Variants in LRAT observed in about 807,000 individuals in gnomAD.
The protein encoded by LRAT is lecithin retinol acyltransferase (phosphatidylcholine--retinol O-acyltransferase).
LRAT carries 11 observed loss-of-function variants against 14.2 expected under a neutral mutation model. The observed-to-expected ratio is 0.78, with a 90% confidence interval of 0.49 to 1.29. LRAT has a LOEUF of 1.29. Ranked by LOEUF, LRAT falls within the 50% of genes most tolerant of loss-of-function variation. LRAT has a pLI of 0.00. For missense variants in LRAT, 274 were observed against 292.4 expected (o/e 0.94, Z 0.46); for synonymous variants, 144 against 124.8 (o/e 1.15, Z -1.03).
chr4:154,752,851 G>A lies in LRAT; in HGVS notation c.*3715G>A, dbSNP rs1190867659. 6.6e-6 allele frequency: 1 copy of A among 151,954 alleles called. No homozygotes were observed. Among genetic ancestry groups the A allele is most frequent in the Non-Finnish European group, 1.5e-5 (1 of 67,964 alleles). The allele number at this position is 151,954 out of a possible 1,614,324, so 9.4% of individuals were successfully genotyped here. On this transcript the variant is annotated 3_prime_UTR_variant, in exon 3 of 3. Coordinates refer to ENST00000336356, the MANE Select transcript of LRAT (RefSeq NM_004744.5). The stretch of plus-strand genomic sequence containing the variant: ...ACAAGCAACTATGTATAGACTTGTT[G>A]TTTGAATTTTTTTTCAGTATATATA...
upstream of LRAT, among the ~76,000 whole-genome samples, chr4:154,743,069 C>T (rs1326409713): frequency 6.8e-6 from 1 of 146,666 alleles, no homozygotes; most frequent in Non-Finnish European, 1.5e-5. Flanking sequence ...GCAGAGAGGC[C>T]TCGGGTTCAA....
intron 2 of LRAT, among the ~76,000 whole-genome samples, chr4:154,747,269 T>C (rs1239552651): frequency 6.6e-6 from 1 of 152,206 alleles, no homozygotes; most frequent in Non-Finnish European, 1.5e-5. Flanking sequence ...AGTTTAGAAG[T>C]CATAAAATAA....
At chr4:154,744,914 C>T in intron 2 of LRAT, 48 bp downstream of exon 2, 3 of 1,589,974 alleles carry the variant, frequency 1.9e-6, no homozygotes, top group Non-Finnish European at 1.7e-6. Context: ...GAGATGCCCC[C>T]TCCCATCCCT....
upstream of LRAT, among the ~76,000 whole-genome samples, chr4:154,743,423 G>A (rs1345323895): frequency 6.6e-6 from 1 of 152,090 alleles, no homozygotes; most frequent in African/African-American, 2.4e-5. Context: ...GAACCTGGGA[G>A]GCGGAGGTTG....
At chr4:154,742,574 A>AC (rs1156293370), upstream of LRAT, among the ~76,000 whole-genome samples, 1 of 152,176 alleles carries the variant, frequency 6.6e-6, no homozygotes, top group East Asian at 1.9e-4. Context: ...ATTAGCGCCG[A>AC]CTGGGCAGCT....
intron 2 of LRAT, among the ~76,000 whole-genome samples, chr4:154,747,670 G>A (rs1358310122): frequency 6.6e-6 from 1 of 152,102 alleles, no homozygotes; most frequent in Admixed American, 6.5e-5. Context: ...AAAAAATAAG[G>A]ATAACTGTAT....
At chr4:154,747,231 C>T (rs186341923) in intron 2 of LRAT, among the ~76,000 whole-genome samples, 4 of 152,226 alleles carry the variant, frequency 2.6e-5, no homozygotes, top group Admixed American at 2.6e-4. Flanking sequence ...AGAACATTTA[C>T]TCCTTTGTGG....
Position 154,744,057 on chromosome 4 carries a change from T to G in LRAT, c.-167T>G. On this transcript the variant is annotated 5_prime_UTR_variant, in exon 1 of 3. Coordinates refer to ENST00000336356, the MANE Select transcript of LRAT (RefSeq NM_004744.5). ...CCCCCAGGTGCGCTCCTTCTCCGGC[T>G]GCTTGTAGCACTGGTCTCACTGTCC... 1.9e-6 allele frequency: 1 copy of G among 515,482 alleles called. No homozygotes were observed. Among genetic ancestry groups the G allele is most frequent in the Non-Finnish European group, 3.5e-6 (1 of 283,924 alleles). 31.9% of individuals were successfully genotyped at this position (515,482 alleles called of 1,614,324 possible). A position where few individuals can be genotyped will look rare whatever the true frequency, so the allele number is the denominator to read the frequency against.
At chr4:154,743,764 G>A (rs552521235), upstream of LRAT, among the ~76,000 whole-genome samples, 1 of 152,036 alleles carries the variant, frequency 6.6e-6, no homozygotes, top group South Asian at 2.1e-4. Flanking sequence ...CCCTAAATAG[G>A]CCACTTAAAA....
chr4:154,746,925 C>CG (rs768289648), intron 2 of LRAT, among the ~76,000 whole-genome samples: 16 of 150,968 alleles, frequency 1.1e-4, no homozygotes, highest in East Asian at 1.9e-4. Context: ...GTAGATTTCC[C>CG]GGGGGAAAAA....
At chr4:154,748,273 A>C in intron 2 of LRAT, 1 of 984,210 alleles carries the variant, frequency 1.0e-6, no homozygotes, top group African/African-American at 1.7e-5. Context: ...TGACTACTTG[A>C]GGTGACATAG....
chr4:154,744,348 G>A lies in LRAT; in HGVS notation c.22G>A (p.Val8Met), dbSNP rs1732830768. 4 of 1,614,154 alleles carry A rather than the reference G, an allele frequency of 2.5e-6. No homozygotes were observed. Among genetic ancestry groups the A allele is most frequent in the Non-Finnish European group, 3.4e-6 (4 of 1,180,046 alleles). MKNPMLE[V>M]VSLLLEKLLL... ...CAGGATGAAGAACCCCATGCTGGAG[G>A]TGGTGTCTTTACTACTGGAGAAGCT... The change falls in exon 2 of 3, where the codon GTG (valine) becomes ATG (methionine). Residue 8 changes from valine to methionine, a missense_variant. Coordinates refer to ENST00000336356, the MANE Select transcript of LRAT (RefSeq NM_004744.5).
In LRAT at chr4:154,751,642, G is replaced by A. The variant is rs868709535; in HGVS notation, c.*2506G>A. ...CCAGCTACTCATGAGGTTGAGGCAG[G>A]AGAATGGCGTGAACCGAGGAGGCGG... On this transcript the variant is annotated 3_prime_UTR_variant, in exon 3 of 3. Coordinates refer to ENST00000336356, the MANE Select transcript of LRAT (RefSeq NM_004744.5). 1 of 145,128 alleles carries A rather than the reference G, an allele frequency of 6.9e-6. No homozygotes were observed. The highest frequency in any genetic ancestry group is 1.5e-5 in the Non-Finnish European group (1 of 67,134). The allele number at this position is 145,128 out of a possible 1,614,324, so 9.0% of individuals were successfully genotyped here. A position where few individuals can be genotyped will look rare whatever the true frequency, so the allele number is the denominator to read the frequency against.
At chr4:154,741,415 T>G (rs1179020003), upstream of LRAT, among the ~76,000 whole-genome samples, 1 of 152,224 alleles carries the variant, frequency 6.6e-6, no homozygotes, top group East Asian at 1.9e-4. Flanking sequence ...AGGGTTACTT[T>G]CAGGCAATTC....
At chr4:154,745,175 C>G (rs1171416199) in intron 2 of LRAT, among the ~76,000 whole-genome samples, 1 of 151,842 alleles carries the variant, frequency 6.6e-6, no homozygotes, top group Non-Finnish European at 1.5e-5. Context: ...CCCGCCACCA[C>G]GCCCGGCTAA....
chr4:154,741,528 C>T (rs1732768398), upstream of LRAT, among the ~76,000 whole-genome samples: 4 of 152,260 alleles, frequency 2.6e-5, no homozygotes, highest in South Asian at 8.3e-4. Context: ...ACACTCCGCG[C>T]CCTATTCATT....
chr4:154,744,794 G>A lies in LRAT; in HGVS notation c.468G>A (p.Leu156=). The A allele has an allele frequency of 1.2e-6, 2 of 1,614,114 alleles. No individual in the cohort carries two copies. The highest frequency in any genetic ancestry group is 2.2e-5 in the East Asian group (1 of 44,852). ...TGCTGGGCTTTACCCCCTACAGCCTGCTGTGGAACAACTGCGAGCACTTCG... is the reference window on the plus strand; with the variant it reads ...TGCTGGGCTTTACCCCCTACAGCCTACTGTGGAACAACTGCGAGCACTTCG... The part of the protein sequence containing the change: ...EKLLGFTPYS[L]LWNNCEHFVT... The change falls in exon 2 of 3, where the codon CTG becomes CTA. Residue 156 remains leucine, a synonymous_variant. Coordinates refer to ENST00000336356, the MANE Select transcript of LRAT (RefSeq NM_004744.5).
At chr4:154,743,711 AG>A (rs1732811997), upstream of LRAT, among the ~76,000 whole-genome samples, 1 of 152,034 alleles carries the variant, frequency 6.6e-6, no homozygotes, top group Admixed American at 6.6e-5. Flanking sequence ...CAGTCCCGAC[AG>A]GTGCAGGACC....
At chr4:154,743,727 G>C (rs374630610), upstream of LRAT, among the ~76,000 whole-genome samples, 7 of 151,862 alleles carry the variant, frequency 4.6e-5, no homozygotes, top group East Asian at 1.2e-3. Context: ...AGGACCTTTC[G>C]TGCCGCCACA....
Sources: gnomAD v4.1 joint callset for allele counts (sites outside exome capture counted in the v4.1 genomes callset) on GRCh38, gnomAD v4.1.1 for gene constraint, MANE v1.5 for transcripts, NCBI Gene and HGNC (gene_info 2026-07-23, HGNC 2026-07-21) for gene names.